Variants in CNTN2 observed in about 807,000 individuals in gnomAD.
CNTN2 encodes contactin 2, also known as contactin-2.
In CNTN2, 53 loss-of-function variants were observed where a neutral mutation model predicts 117.5. The ratio of observed to expected loss-of-function variants is 0.45; its 90% CI spans 0.36 to 0.57. CNTN2 has a LOEUF of 0.57. CNTN2 is among the 20% of genes least tolerant of loss of function. CNTN2 has a pLI of 0.00. For synonymous variants in CNTN2, 530 were observed against 561.7 expected (o/e 0.94, Z 0.80); for missense variants, 1,106 against 1,404.3 (o/e 0.79, Z 3.39).
At position 205,065,979 on chromosome 1, in the gene CNTN2, C is replaced by T. The variant is rs901483134; in HGVS notation, c.1816+70C>T. 34 of 1,511,310 alleles carry T rather than the reference C, an allele frequency of 2.2e-5. No individual in the cohort carries two copies. The Middle Eastern group carries it at 7.1e-4, about 32-fold the overall frequency. The allele number at this position is 1,511,310 out of a possible 1,614,324, so 93.6% of individuals were successfully genotyped here. ...CCCAGCTGGGCTGTTCTGACCTGCT[C>T]GCCTCATCTCCCCTCCCTTCCCTCA... On this transcript the variant is annotated intron_variant, in intron 14 of 22. Transcript: ENST00000331830. This position sits in a 1 kb window ranked among gnomAD's most constrained non-coding sequence, Gnocchi z 4.1.
chr1:205,074,883 C>T lies in CNTN2; in HGVS notation c.*1118C>T, dbSNP rs890977233. ...ATACCTAGGACCACCTGGCCAGATC[C>T]GCTCCCAGACGGCCTTGGACTGCTT... On this transcript the variant is annotated 3_prime_UTR_variant, in exon 23 of 23. Transcript: ENST00000331830. The T allele has an allele frequency of 1.3e-5, 5 of 398,480 alleles. No individual in the cohort carries two copies. Among genetic ancestry groups the T allele is most frequent in the Admixed American group, 4.4e-5 (1 of 22,702 alleles). The allele number at this position is 398,480 out of a possible 1,614,324, so 24.7% of individuals were successfully genotyped here.
In CNTN2 at chr1:205,073,759, G is replaced by C. The variant is rs1232718150; in HGVS notation, c.3117G>C (p.Glu1039Asp). 2 of 1,613,224 alleles carry C rather than the reference G, an allele frequency of 1.2e-6. No homozygotes were observed. The change falls in exon 23 of 23, where the codon GAG (glutamate) becomes GAC (aspartate). Residue 1039 changes from glutamate (E) to aspartate (D), a missense_variant. Physicochemically the swap from Glu to Asp is conservative, Grantham distance 45 (BLOSUM62 2). Transcript: ENST00000331830. This position sits in a 1 kb window ranked among gnomAD's most constrained non-coding sequence, Gnocchi z 6.3. ...VAMLILIGSL[E>D]L Reference sequence around the variant, plus strand: ...TGCTGATCCTCATAGGCTCCCTGGAGCTCTGATCCTGGAACCCCTCCCTCT... The same window carrying C: ...TGCTGATCCTCATAGGCTCCCTGGACCTCTGATCCTGGAACCCCTCCCTCT...
At chr1:205,045,445 C>T (rs1224318638) in intron 1 of CNTN2, among the ~76,000 whole-genome samples, 1 of 152,166 alleles carries the variant, frequency 6.6e-6, no homozygotes, top group Non-Finnish European at 1.5e-5. Flanking sequence ...CTCTGGCTGA[C>T]CAAACTTACT....
Position 205,073,844 on chromosome 1 carries a change from G to C in CNTN2, c.*79G>C. On this transcript the variant is annotated 3_prime_UTR_variant, in exon 23 of 23. Coordinates refer to ENST00000331830, the MANE Select transcript of CNTN2 (RefSeq NM_005076.5). The surrounding 1 kb of genome is among the most constrained non-coding windows in gnomAD (Gnocchi z 6.3). ...GCCAGCCCCTTCCTGCTGCCAAGGT[G>C]GCCTGACACTGTGCCAGAGAGTGGC... The C allele has an allele frequency of 8.4e-7, 1 of 1,192,294 alleles. No homozygotes were observed. Among genetic ancestry groups the C allele is most frequent in the South Asian group, 1.3e-5 (1 of 79,124 alleles). 73.9% of individuals were successfully genotyped at this position (1,192,294 alleles called of 1,614,324 possible).
At position 205,058,355 on chromosome 1, in the gene CNTN2, C is replaced by T. The variant is rs1440276387; in HGVS notation, c.390C>T (p.Gly130=). 2 of 1,526,332 alleles carry T rather than the reference C, an allele frequency of 1.3e-6. No individual in the cohort carries two copies. Among genetic ancestry groups the T allele is most frequent in the Non-Finnish European group, 8.8e-7 (1 of 1,135,596 alleles). 94.5% of individuals were successfully genotyped at this position (1,526,332 alleles called of 1,614,324 possible). A position where few individuals can be genotyped will look rare whatever the true frequency, so the allele number is the denominator to read the frequency against. Reference sequence around the variant, plus strand: ...GCAGGGAGGCCATCCTCCGCTTCGGCTGTGAGACCCGCGGGGGACCAAGAC... The same window carrying T: ...GCAGGGAGGCCATCCTCCGCTTCGGTTGTGAGACCCGCGGGGGACCAAGAC... ...VVSREAILRF[G]FLQEFSKEER... The change falls in exon 4 of 23, where the codon GGC becomes GGT. Residue 130 remains glycine, a splice_region_variant and synonymous_variant. Transcript: ENST00000331830. The surrounding 1 kb of genome is among the most constrained non-coding windows in gnomAD (Gnocchi z 4.3).
At chr1:205,068,418 A>ATTT (rs1654418352) in intron 16 of CNTN2, 1 of 152,120 alleles carries the variant, frequency 6.6e-6, no homozygotes, top group African/African-American at 2.4e-5. Flanking sequence ...ATCACTCAAC[A>ATTT]TTTTTAGCTG....
intron 1 of CNTN2, among the ~76,000 whole-genome samples, chr1:205,052,660 G>T (rs931230860): frequency 3.3e-5 from 5 of 152,202 alleles, no homozygotes; most frequent in African/African-American, 1.2e-4. Context: ...CACCCAGACA[G>T]CTGAGGGGAA....
chr1:205,059,100 GCTC>G lies in CNTN2; in HGVS notation c.508_510del (p.Leu170del). ...ACATCCTAGGCTTGTCCTACCGCTG[GCTC>G]CTCAACGAGTTCCCCAACTTCATCC... is the stretch of plus-strand genomic sequence containing the variant. On this transcript the variant is annotated inframe_deletion, in exon 6 of 23. Coordinates refer to ENST00000331830, the MANE Select transcript of CNTN2 (RefSeq NM_005076.5). The surrounding 1 kb of genome is among the most constrained non-coding windows in gnomAD (Gnocchi z 5.6). The G allele has an allele frequency of 1.2e-6, 2 of 1,614,162 alleles. No individual in the cohort carries two copies. Among genetic ancestry groups the G allele is most frequent in the East Asian group, 2.2e-5 (1 of 44,850 alleles).
intron 7 of CNTN2, chr1:205,060,072 G>C (rs1653891763): frequency 4.2e-6 from 1 of 235,530 alleles, no homozygotes; most frequent in Non-Finnish European, 8.4e-6. Context: ...TTTCTTTATG[G>C]TGGTGATAAT....
In CNTN2 at chr1:205,061,838, C is replaced by T; in HGVS notation, c.974-27C>T. On this transcript the variant is annotated intron_variant, in intron 8 of 22. Coordinates refer to ENST00000331830, the MANE Select transcript of CNTN2 (RefSeq NM_005076.5). This position sits in a 1 kb window ranked among gnomAD's most constrained non-coding sequence, Gnocchi z 4.8. ...GCTGGAAGCTCCTCCTAGCTCATGC[C>T]AGGTTTTCTTTTCCGGGCTCCCACA... is the stretch of plus-strand genomic sequence containing the variant. 6.7e-7 allele frequency: 1 copy of T among 1,503,046 alleles called. No homozygotes were observed. The highest frequency in any genetic ancestry group is 8.9e-7 in the Non-Finnish European group (1 of 1,125,604). 93.1% of individuals were successfully genotyped at this position (1,503,046 alleles called of 1,614,324 possible). A position where few individuals can be genotyped will look rare whatever the true frequency, so the allele number is the denominator to read the frequency against.
intron 2 of CNTN2, 108 bp from the exon 3 acceptor site, chr1:205,057,812 AT>A: frequency 1.5e-6 from 2 of 1,357,578 alleles, no homozygotes; most frequent in Non-Finnish European, 2.0e-6. Flanking sequence ...AGTGCAGAAA[AT>A]GGGACATTCC....
At chr1:205,046,815 G>A (rs2096442250) in intron 1 of CNTN2, among the ~76,000 whole-genome samples, 1 of 152,170 alleles carries the variant, frequency 6.6e-6, no homozygotes, top group Admixed American at 6.5e-5. Context: ...ACCACACACA[G>A]AGCAGGGCAG....
chr1:205,066,037 T>C (rs1366447434), intron 14 of CNTN2, 128 bp downstream of exon 14: 1 of 1,131,746 alleles, frequency 8.8e-7, no homozygotes, highest in South Asian at 1.6e-5. Context: ...GCGGAACTCC[T>C]GTGAGCTGGA....
intron 1 of CNTN2, among the ~76,000 whole-genome samples, chr1:205,050,937 T>G (rs1357897551): frequency 6.6e-6 from 1 of 152,176 alleles, no homozygotes; most frequent in Non-Finnish European, 1.5e-5. Context: ...ACGTTGAAGG[T>G]GGGCTAGGCT....
At chr1:205,057,756 T>C (rs1653722854) in intron 2 of CNTN2, 165 bp from the exon 3 acceptor site, 4 of 625,002 alleles carry the variant, frequency 6.4e-6, no homozygotes, top group Middle Eastern at 4.7e-4. Context: ...TAGCCACATG[T>C]CAAGTGCTCG....
chr1:205,073,556 G>A lies in CNTN2; in HGVS notation c.3014-100G>A. 3.7e-6 allele frequency: 4 copies of A among 1,077,142 alleles called. No homozygotes were observed. The highest frequency in any genetic ancestry group is 1.6e-5 in the African/African-American group (1 of 64,318). The allele number at this position is 1,077,142 out of a possible 1,614,324, so 66.7% of individuals were successfully genotyped here. On this transcript the variant is annotated intron_variant, in intron 22 of 22. Transcript: ENST00000331830. The surrounding 1 kb of genome is among the most constrained non-coding windows in gnomAD (Gnocchi z 6.3). Reference sequence around the variant, plus strand: ...CCAGCCGTCCGCTCCCAGGCCTGCAGCTGGCCCTGTGAGTCTCCTTAGGAA... The same window carrying A: ...CCAGCCGTCCGCTCCCAGGCCTGCAACTGGCCCTGTGAGTCTCCTTAGGAA...
chr1:205,068,317 A>G (rs1052301835), intron 16 of CNTN2: 1 of 152,182 alleles, frequency 6.6e-6, no homozygotes, highest in African/African-American at 2.4e-5. Flanking sequence ...GACCTGTTGC[A>G]CTGGATGTGT....
At chr1:205,057,744 A>G in intron 2 of CNTN2, 177 bp from the exon 3 acceptor site, 1 of 578,214 alleles carries the variant, frequency 1.7e-6, no homozygotes, top group Non-Finnish European at 3.0e-6. Context: ...CTTCAGTCGC[A>G]ATAGCCACAT....
Position 205,061,458 on chromosome 1 carries a change from C to T in CNTN2, c.973+38C>T. On this transcript the variant is annotated intron_variant, in intron 8 of 22. Transcript: ENST00000331830. This position sits in a 1 kb window ranked among gnomAD's most constrained non-coding sequence, Gnocchi z 4.8. The stretch of plus-strand genomic sequence containing the variant: ...GGACACCTTCTCCGCCCCTCCCGAC[C>T]CCCCTTCCCGCCTTCACCCTTGTCC... 1 of 1,529,466 alleles carries T rather than the reference C, an allele frequency of 6.5e-7. No homozygotes were observed. Among genetic ancestry groups the T allele is most frequent in the Non-Finnish European group, 8.8e-7 (1 of 1,133,030 alleles). The allele number at this position is 1,529,466 out of a possible 1,614,324, so 94.7% of individuals were successfully genotyped here.
Sources: gnomAD v4.1 joint callset for allele counts (sites outside exome capture counted in the v4.1 genomes callset) on GRCh38, gnomAD v4.1.1 for gene constraint, Gnocchi (gnomAD v3.1) non-coding constraint, MANE v1.5 for transcripts, NCBI Gene and HGNC (gene_info 2026-07-23, HGNC 2026-07-21) for gene names.